Variants in XRCC5 observed in about 807,000 individuals in gnomAD.
XRCC5 encodes X-ray repair cross complementing 5.
XRCC5 carries 12 observed loss-of-function variants against 95.7 expected under a neutral mutation model. That is an observed-to-expected ratio of 0.13 (90% CI 0.08 to 0.20). XRCC5 has a LOEUF of 0.20. Ranked by LOEUF, XRCC5 falls within the 10% of genes least tolerant of loss-of-function variation. XRCC5 has a pLI of 1.00. For missense variants in XRCC5, 595 were observed against 873.9 expected (o/e 0.68, Z 4.02); for synonymous variants, 281 against 290.3 (o/e 0.97, Z 0.33).
At chr2:216,158,619 A>C (rs1196154922) in intron 14 of XRCC5, among the ~76,000 whole-genome samples, 1 of 152,036 alleles carries the variant, frequency 6.6e-6, no homozygotes, top group African/African-American at 2.4e-5. Flanking sequence ...TTCTACTTGC[A>C]AGAAAAGAGT....
intron 4 of XRCC5, among the ~76,000 whole-genome samples, chr2:216,118,184 T>C (rs1340716069): frequency 6.6e-6 from 1 of 151,850 alleles, no homozygotes; most frequent in Non-Finnish European, 1.5e-5. Context: ...TTGTTTTTTT[T>C]TTTTTGAGTT....
chr2:216,115,208 A>G (rs1219661048), intron 2 of XRCC5, among the ~76,000 whole-genome samples: 2 of 152,188 alleles, frequency 1.3e-5, no homozygotes, highest in Non-Finnish European at 2.9e-5. Flanking sequence ...AACCGAGATT[A>G]CTGCGGAGTC....
chr2:216,179,256 A>G (rs931741682), intron 16 of XRCC5, among the ~76,000 whole-genome samples: 4 of 152,184 alleles, frequency 2.6e-5, no homozygotes, highest in African/African-American at 9.7e-5. Flanking sequence ...CTCTCTTAAC[A>G]GGGGAGTTCT....
intron 19 of XRCC5, among the ~76,000 whole-genome samples, chr2:216,196,365 G>A (rs1282759846): frequency 6.6e-6 from 1 of 152,178 alleles, no homozygotes; most frequent in Non-Finnish European, 1.5e-5. Context: ...GAGCACCATA[G>A]GCTTGAGTAT....
intron 16 of XRCC5, among the ~76,000 whole-genome samples, chr2:216,182,918 C>T (rs1452359833): frequency 6.6e-6 from 1 of 152,166 alleles, no homozygotes; most frequent in Non-Finnish European, 1.5e-5. Context: ...TAGAATGCCA[C>T]AGAACCATTC....
At chr2:216,168,091 G>T (rs767839666) in intron 16 of XRCC5, among the ~76,000 whole-genome samples, 2 of 152,202 alleles carry the variant, frequency 1.3e-5, no homozygotes, top group Non-Finnish European at 2.9e-5. Context: ...AAAAATCAGT[G>T]TGTTTGGAAT....
At chr2:216,160,213 T>A in intron 15 of XRCC5, 52 bp downstream of exon 15, 1 of 1,238,714 alleles carries the variant, frequency 8.1e-7, no homozygotes, top group Non-Finnish European at 1.1e-6. Context: ...GGTTGGGGCT[T>A]GAGGGAGAGT....
intron 14 of XRCC5, among the ~76,000 whole-genome samples, chr2:216,155,236 CAAAAAA>C (rs10674711): frequency 1.2e-5 from 1 of 80,462 alleles, no homozygotes; most frequent in African/African-American, 5.1e-5. Context: ...ACTCCCATCT[CAAAAAA>C]AAAAAAAAAA....
chr2:216,144,373 G>T (rs986310366), intron 13 of XRCC5, among the ~76,000 whole-genome samples: 1 of 152,206 alleles, frequency 6.6e-6, no homozygotes, highest in Non-Finnish European at 1.5e-5. Context: ...TACCTTGTAT[G>T]CCATACTCAG....
intron 16 of XRCC5, among the ~76,000 whole-genome samples, chr2:216,169,433 A>T (rs952480244): frequency 6.6e-6 from 1 of 152,028 alleles, no homozygotes; most frequent in Middle Eastern, 3.4e-3. Context: ...TACCGAAATC[A>T]CTCTCTTGTC....
chr2:216,161,616 C>T (rs545251954), intron 15 of XRCC5, among the ~76,000 whole-genome samples: 2 of 152,352 alleles, frequency 1.3e-5, no homozygotes, highest in Admixed American at 1.3e-4. Flanking sequence ...CGACCCCACA[C>T]TGCAGAATCC....
At chr2:216,201,720 G>T (rs1213168203) in intron 19 of XRCC5, among the ~76,000 whole-genome samples, 1 of 152,146 alleles carries the variant, frequency 6.6e-6, no homozygotes, top group Non-Finnish European at 1.5e-5. Context: ...ACCCCTTTCT[G>T]CAGAAGAGAT....
At chr2:216,128,509 A>T (rs1192941593) in intron 8 of XRCC5, among the ~76,000 whole-genome samples, 1 of 152,194 alleles carries the variant, frequency 6.6e-6, no homozygotes, top group Non-Finnish European at 1.5e-5. Flanking sequence ...TTAATACCCT[A>T]CAATTTCTAC....
chr2:216,156,451 A>G, intron 14 of XRCC5: 1 of 713,116 alleles, frequency 1.4e-6, no homozygotes, highest in Non-Finnish European at 2.6e-6. Flanking sequence ...TCTCTATCGT[A>G]CAGCACTGGT....
At chr2:216,197,712 C>CCAG (rs1425698868) in intron 19 of XRCC5, among the ~76,000 whole-genome samples, 1 of 152,174 alleles carries the variant, frequency 6.6e-6, no homozygotes, top group Non-Finnish European at 1.5e-5. Context: ...TTGAGTACCA[C>CCAG]CAGCTCTATG....
At chr2:216,131,660 A>G (rs1222883894) in intron 9 of XRCC5, among the ~76,000 whole-genome samples, 2 of 152,146 alleles carry the variant, frequency 1.3e-5, no homozygotes, top group African/African-American at 4.8e-5. Context: ...TCTTCACTCA[A>G]GCCTCTACTG....
At chr2:216,151,535 C>A (rs1371854091) in intron 14 of XRCC5, among the ~76,000 whole-genome samples, 1 of 152,220 alleles carries the variant, frequency 6.6e-6, no homozygotes. Flanking sequence ...AGTCAGACCC[C>A]TTGCTCTGCA....
At chr2:216,140,329 A>C (rs1247010054) in intron 12 of XRCC5, among the ~76,000 whole-genome samples, 1 of 152,244 alleles carries the variant, frequency 6.6e-6, no homozygotes, top group African/African-American at 2.4e-5. Flanking sequence ...TTGCCTGGTG[A>C]CTGTGAATGT....
chr2:216,140,352 G>A (rs1318304534), intron 12 of XRCC5, among the ~76,000 whole-genome samples: 1 of 152,186 alleles, frequency 6.6e-6, no homozygotes, highest in Non-Finnish European at 1.5e-5. Flanking sequence ...CAGAAATAGT[G>A]CCTCAGGTTC....
Sources: allele counts gnomAD v4.1 joint callset (sites outside exome capture counted in the v4.1 genomes callset), GRCh38; gene constraint gnomAD v4.1.1; transcripts MANE v1.5; gene names NCBI Gene and HGNC (gene_info 2026-07-23, HGNC 2026-07-21).